CPNE4: variants seen among roughly 807,000 people sequenced by gnomAD.
CPNE4 encodes copine-4.
A neutral mutation model predicts 67.9 loss-of-function variants in CPNE4; 25 were observed. The observed-to-expected ratio is 0.37, with a 90% CI of 0.27 to 0.51. CPNE4 has a LOEUF of 0.51. CPNE4 is among the 20% of genes least tolerant of loss of function. The probability of loss-of-function intolerance (pLI) is 0.93; values close to 1 mark genes in which losing one functional copy is unlikely to be tolerated. For missense variants in CPNE4, 464 were observed against 690.8 expected (o/e 0.67, Z 3.68); for synonymous variants, 242 against 244.9 (o/e 0.99, Z 0.11).
intron 2 of CPNE4, among the ~76,000 whole-genome samples, chr3:131,763,943 A>C (rs770901262): frequency 6.6e-5 from 10 of 152,130 alleles, no homozygotes; most frequent in Non-Finnish European, 5.9e-5. Context: ...TACAGGGTGC[A>C]TCCTATGTGC....
intron 1 of CPNE4, among the ~76,000 whole-genome samples, chr3:132,002,938 C>T (rs1288947464): frequency 6.6e-6 from 1 of 152,088 alleles, no homozygotes; most frequent in Non-Finnish European, 1.5e-5. Flanking sequence ...AGATCAGCAG[C>T]CTCAGCATTA....
At chr3:131,726,553 G>A (rs1316289475) in intron 2 of CPNE4, among the ~76,000 whole-genome samples, 4 of 152,118 alleles carry the variant, frequency 2.6e-5, no homozygotes, top group Non-Finnish European at 4.4e-5. Context: ...TGCATTTCCA[G>A]TTATTATGGA....
At chr3:131,921,444 A>C (rs1416231640) in intron 1 of CPNE4, among the ~76,000 whole-genome samples, 1 of 152,214 alleles carries the variant, frequency 6.6e-6, no homozygotes, top group Non-Finnish European at 1.5e-5. Context: ...GTGTGCCATG[A>C]GGAGCTCTGA....
intron 2 of CPNE4, among the ~76,000 whole-genome samples, chr3:131,894,535 T>A (rs961476120): frequency 6.6e-6 from 1 of 151,114 alleles, no homozygotes; most frequent in Non-Finnish European, 1.5e-5. Context: ...AAAAATAACG[T>A]GATTTAAAAA....
intron 2 of CPNE4, among the ~76,000 whole-genome samples, chr3:131,890,861 T>C (rs1223917372): frequency 6.6e-6 from 1 of 152,072 alleles, no homozygotes; most frequent in Non-Finnish European, 1.5e-5. Context: ...GGACAAACAC[T>C]GCATGATTCC....
chr3:131,973,152 C>T (rs1490753261), intron 1 of CPNE4, among the ~76,000 whole-genome samples: 4 of 151,998 alleles, frequency 2.6e-5, no homozygotes, highest in African/African-American at 4.8e-5. Context: ...TTTTGTACAA[C>T]GGATCTGTGG....
At chr3:131,752,622 G>A (rs1339173471) in intron 2 of CPNE4, among the ~76,000 whole-genome samples, 1 of 152,008 alleles carries the variant, frequency 6.6e-6, no homozygotes, top group African/African-American at 2.4e-5. Context: ...CAAGGTTTTT[G>A]CCATATTTAG....
chr3:131,968,965 A>G (rs1369936973), intron 1 of CPNE4, among the ~76,000 whole-genome samples: 1 of 152,206 alleles, frequency 6.6e-6, no homozygotes, highest in African/African-American at 2.4e-5. Flanking sequence ...CCAAATGCCC[A>G]TCGATGATAG....
chr3:131,571,977 C>T (rs1375960614), intron 10 of CPNE4, among the ~76,000 whole-genome samples: 1 of 151,952 alleles, frequency 6.6e-6, no homozygotes, highest in East Asian at 1.9e-4. Context: ...CTTTTTAAAG[C>T]AAAACCCCAA....
At chr3:131,702,178 C>G (rs79015178) in intron 3 of CPNE4, among the ~76,000 whole-genome samples, 18,723 of 151,924 alleles carry the variant, frequency 0.12, 1,235 homozygotes, top group African/African-American at 0.16. Context: ...TAATGATGAC[C>G]ATGATCATGA....
At chr3:131,984,667 T>C (rs902456028) in intron 1 of CPNE4, among the ~76,000 whole-genome samples, 2 of 152,210 alleles carry the variant, frequency 1.3e-5, no homozygotes, top group Non-Finnish European at 2.9e-5. Context: ...CCTACATCAC[T>C]TTCCTTAAGG....
In CPNE4 at chr3:131,688,242, C is replaced by T. The variant is rs1189245435; in HGVS notation, c.508-2284G>A. ...ACCAGGAACCAAACAAGATGCTCCA[C>T]AACACCCAGAGTCTGGAACATCCGC... On this transcript the variant is annotated intron_variant, in intron 5 of 15. Transcript: ENST00000429747. Among the ~76,000 whole-genome samples the T allele has an allele frequency of 4.6e-5, 7 of 152,202 alleles. No homozygotes were observed. The South Asian group carries it at 1.2e-3, about 27-fold the overall frequency.
At chr3:131,989,448 TATTAAAAA>T (rs2073127546) in intron 1 of CPNE4, among the ~76,000 whole-genome samples, 1 of 85,718 alleles carries the variant, frequency 1.2e-5, no homozygotes, top group Non-Finnish European at 3.2e-5. Context: ...CAAATACATG[TATTAAAAA>T]TTTCTTCTTG....
At chr3:131,751,608 A>T (rs775608692) in intron 2 of CPNE4, among the ~76,000 whole-genome samples, 1 of 152,156 alleles carries the variant, frequency 6.6e-6, no homozygotes, top group Non-Finnish European at 1.5e-5. Context: ...TATTTCTCAG[A>T]TAATTTTAAC....
intron 3 of CPNE4, among the ~76,000 whole-genome samples, chr3:131,708,700 G>C (rs1439984672): frequency 6.6e-6 from 1 of 151,934 alleles, no homozygotes; most frequent in East Asian, 1.9e-4. Flanking sequence ...AGGCTCTGTG[G>C]GGGGACATTC....
chr3:131,564,013 A>G (rs1936927401), intron 11 of CPNE4, among the ~76,000 whole-genome samples: 1 of 152,092 alleles, frequency 6.6e-6, no homozygotes, highest in Non-Finnish European at 1.5e-5. Context: ...AATTGAGAGA[A>G]GAAGGCTGAG....
intron 2 of CPNE4, among the ~76,000 whole-genome samples, chr3:131,828,474 T>C (rs891960381): frequency 1.3e-5 from 2 of 152,214 alleles, no homozygotes; most frequent in East Asian, 1.9e-4. Flanking sequence ...GGATTTTTTC[T>C]TTTTATTGCT....
At chr3:131,677,370 A>G (rs2107667120) in intron 6 of CPNE4, among the ~76,000 whole-genome samples, 1 of 152,128 alleles carries the variant, frequency 6.6e-6, no homozygotes, top group East Asian at 1.9e-4. Context: ...ATTTTCTCCC[A>G]TTCTCTAGGT....
intron 3 of CPNE4, among the ~76,000 whole-genome samples, chr3:131,719,885 A>C (rs1336244456): frequency 6.6e-6 from 1 of 152,198 alleles, no homozygotes; most frequent in African/African-American, 2.4e-5. Context: ...AAAAATCCAC[A>C]TGTCTTACTG....
Sources: gnomAD v4.1 joint callset for allele counts (sites outside exome capture counted in the v4.1 genomes callset) on GRCh38, gnomAD v4.1.1 for gene constraint, MANE v1.5 for transcripts, NCBI Gene and HGNC (gene_info 2026-07-23, HGNC 2026-07-21) for gene names.